DMD: variants seen among roughly 807,000 people sequenced by gnomAD.
DMD encodes the protein mutant dystrophin.
DMD carries 63 observed loss-of-function variants against 330.1 expected under a neutral mutation model. The observed-to-expected ratio is 0.19, with a 90% CI of 0.16 to 0.24. The LOEUF is 0.24. Among genes scored for constraint, DMD ranks in the 10% least tolerant of loss-of-function variants. The probability of loss-of-function intolerance (pLI) is 1.00; values close to 1 mark genes in which losing one functional copy is unlikely to be tolerated. For missense variants in DMD, 3,344 were observed against 2,684.1 expected, an observed-to-expected ratio of 1.25 and a Z score of -5.43; for synonymous variants, 1,223 against 959.8, an observed-to-expected ratio of 1.27 and a Z score of -5.07.
intron 1 of DMD, among the ~76,000 whole-genome samples, chrX:33,141,178 A>G (rs2047777140): frequency 9.0e-6 from 1 of 111,606 alleles, no homozygotes; most frequent in African/African-American, 3.3e-5. Context: ...CGAACTCAGC[A>G]AACAGCCTGG....
At chrX:31,907,650 G>C (rs150422900) in intron 47 of DMD, among the ~76,000 whole-genome samples, 1,169 of 111,986 alleles carry the variant, frequency 0.01, 17 homozygotes, top group African/African-American at 0.035. Context: ...TCAGGACAAA[G>C]GCATGGGCAA....
At chrX:32,654,033 G>A (rs2060372140) in intron 9 of DMD, among the ~76,000 whole-genome samples, 1 of 112,090 alleles carries the variant, frequency 8.9e-6, no homozygotes, top group Non-Finnish European at 1.9e-5. Context: ...TTGCTTATCA[G>A]CTTAAGTAGA....
At chrX:32,430,670 A>G (rs1364506534) in intron 29 of DMD, among the ~76,000 whole-genome samples, 1 of 111,798 alleles carries the variant, frequency 8.9e-6, no homozygotes, top group Non-Finnish European at 1.9e-5. Flanking sequence ...TCTATATTGT[A>G]TAACCTAAAC....
At chrX:31,529,141 G>C (rs2073486488) in intron 55 of DMD, among the ~76,000 whole-genome samples, 1 of 109,871 alleles carries the variant, frequency 9.1e-6, no homozygotes, top group Non-Finnish European at 1.9e-5. Context: ...AGAATCGCTT[G>C]AACCCGGGAG....
At chrX:32,057,784 C>T (rs2097221855) in intron 44 of DMD, among the ~76,000 whole-genome samples, 1 of 111,135 alleles carries the variant, frequency 9.0e-6, no homozygotes, top group South Asian at 3.7e-4. Context: ...ATAGCCAAAA[C>T]AGTCTTGAGG....
Position 31,209,580 on chromosome X carries a change from G to A in DMD, c.9481C>T (p.Leu3161=), listed in dbSNP as rs2044439597. The change falls in exon 65 of 79, where the codon CTG becomes TTG. Residue 3161 remains leucine, a synonymous_variant. Coordinates refer to ENST00000357033, the MANE Select transcript of DMD (RefSeq NM_004006.3). The part of the protein sequence containing the change: ...INCLTTIYDR[L]EQEHNNLVNV... ...ACCAAATTGTTGTGCTCTTGCTCCAGGCGGTCATAAATAGTGGTCAAACAA... is the reference window on the plus strand; with the variant it reads ...ACCAAATTGTTGTGCTCTTGCTCCAAGCGGTCATAAATAGTGGTCAAACAA... 2.5e-6 allele frequency: 3 copies of A among 1,211,477 alleles called. No individual in the cohort carries two copies. Among genetic ancestry groups the A allele is most frequent in the African/African-American group, 1.7e-5 (1 of 57,710 alleles).
intron 1 of DMD, among the ~76,000 whole-genome samples, chrX:33,065,896 AC>A (rs1219732146): frequency 1.7e-4 from 19 of 111,631 alleles, no homozygotes; most frequent in African/African-American, 5.9e-4. Context: ...AGACAATAAA[AC>A]CGAAGGATTT....
chrX:32,545,425 G>C (rs754643709), intron 16 of DMD, 91 bp from the exon 17 acceptor site: 1 of 894,643 alleles, frequency 1.1e-6, no homozygotes, highest in African/African-American at 2.0e-5. Flanking sequence ...ATGAGAAACT[G>C]TTCTTGCTTG....
intron 52 of DMD, among the ~76,000 whole-genome samples, chrX:31,712,257 C>G (rs753823850): frequency 1.8e-5 from 2 of 111,503 alleles, no homozygotes; most frequent in Non-Finnish European, 3.8e-5. Context: ...CAATTGAGCA[C>G]TGCTGTGGTT....
chrX:32,688,552 T>A (rs2063049369), intron 9 of DMD, among the ~76,000 whole-genome samples: 1 of 112,165 alleles, frequency 8.9e-6, no homozygotes, highest in South Asian at 3.6e-4. Context: ...GAATGGAGTC[T>A]TTCCCCTCTA....
At chrX:31,409,716 A>G (rs1238999727) in intron 60 of DMD, among the ~76,000 whole-genome samples, 1 of 112,704 alleles carries the variant, frequency 8.9e-6, no homozygotes, top group Non-Finnish European at 1.9e-5. Context: ...AGGCTTGAAA[A>G]AGGACAAGTT....
intron 1 of DMD, among the ~76,000 whole-genome samples, chrX:33,140,897 G>T (rs2047761852): frequency 8.9e-6 from 1 of 111,823 alleles, no homozygotes; most frequent in Admixed American, 9.5e-5. Context: ...ACCAAGTTAT[G>T]ATTTTTTTAG....
At chrX:32,868,081 A>C (rs2082655827) in intron 2 of DMD, among the ~76,000 whole-genome samples, 1 of 110,963 alleles carries the variant, frequency 9.0e-6, no homozygotes, top group Non-Finnish European at 1.9e-5. Context: ...GAGCGCAAGG[A>C]AAAGCAGGGT....
At chrX:33,039,147 A>C (rs1444839066) in intron 1 of DMD, among the ~76,000 whole-genome samples, 2 of 111,414 alleles carry the variant, frequency 1.8e-5, no homozygotes, top group Non-Finnish European at 3.8e-5. Context: ...TCATGGTTTA[A>C]ATTTTTAGGA....
intron 55 of DMD, chrX:31,508,567 G>A (rs774847860): frequency 3.4e-5 from 5 of 146,599 alleles, no homozygotes; most frequent in African/African-American, 1.3e-4. Flanking sequence ...TTATATATGT[G>A]TTTCCTTCCT....
intron 1 of DMD, among the ~76,000 whole-genome samples, chrX:33,112,601 T>C (rs558235249): frequency 9.0e-5 from 10 of 111,407 alleles, no homozygotes; most frequent in African/African-American, 3.3e-4. Context: ...CCCTTTGAAC[T>C]ATAAAATAAT....
At chrX:33,275,144 A>C (rs1227263853) in intron 1 of DMD, among the ~76,000 whole-genome samples, 2 of 112,382 alleles carry the variant, frequency 1.8e-5, no homozygotes, top group Non-Finnish European at 3.8e-5. Context: ...ATTTCACTTA[A>C]GCTTTTGTGC....
chrX:31,553,515 C>A (rs1232634674), intron 55 of DMD, among the ~76,000 whole-genome samples: 1 of 112,289 alleles, frequency 8.9e-6, no homozygotes, highest in Non-Finnish European at 1.9e-5. Flanking sequence ...ATTATTTGTT[C>A]TCTGTCCAAA....
intron 7 of DMD, among the ~76,000 whole-genome samples, chrX:32,728,373 C>T (rs1294920915): frequency 1.8e-5 from 2 of 111,509 alleles, no homozygotes; most frequent in Non-Finnish European, 3.8e-5. Flanking sequence ...TTTAAATGAT[C>T]ACCATGTGAG....
Sources: allele counts gnomAD v4.1 joint callset (sites outside exome capture counted in the v4.1 genomes callset), GRCh38; gene constraint gnomAD v4.1.1; transcripts MANE v1.5; gene names NCBI Gene and HGNC (gene_info 2026-07-23, HGNC 2026-07-21).